The following HAVCR2 variants were observed in gnomAD, a reference collection of about 807,000 sequenced individuals.
The protein encoded by HAVCR2 is T cell immunoglobulin mucin 3.
HAVCR2 carries 13 observed loss-of-function variants against 24.7 expected under a neutral mutation model. The observed-to-expected ratio is 0.53, with a 90% CI of 0.34 to 0.84. The LOEUF (loss-of-function observed/expected upper bound fraction) is 0.84, where lower values mean the gene tolerates loss of function less well. HAVCR2 is among the 40% of genes least tolerant of loss of function. The pLI, the probability that HAVCR2 is intolerant of heterozygous loss-of-function variation, is 0.01. For missense variants in HAVCR2, 343 were observed against 371.2 expected, an observed-to-expected ratio of 0.92 and a Z score of 0.62; for synonymous variants, 154 against 143.4, an observed-to-expected ratio of 1.07 and a Z score of -0.53.
rs144365926 is a variant in HAVCR2 at position 157,106,709 on chromosome 5, G to A, written c.312C>T (p.Asp104=). The stretch of plus-strand genomic sequence containing the variant: ...GGATCCGGCAGCAGTAGATCCCACT[G>A]TCTGCTAGAGTCACATTCTCTATGG... ...SLTIENVTLA[D]SGIYCCRIQI... Residue 104 remains aspartate (D), a synonymous_variant, in exon 2 of 7, where the codon GAC becomes GAT. Transcript: ENST00000307851. 30 of 1,614,178 alleles carry A rather than the reference G, an allele frequency of 1.9e-5. No homozygotes were observed. In the African/African-American group the frequency reaches 3.2e-4, roughly 17 times the overall value.
chr5:157,090,639 TC>T (rs1756986426), intron 5 of HAVCR2, among the ~76,000 whole-genome samples: 1 of 152,074 alleles, frequency 6.6e-6, no homozygotes, highest in African/African-American at 2.4e-5. Flanking sequence ...TGTCTTGGCC[TC>T]CCGAAGTGTT....
intron 4 of HAVCR2, among the ~76,000 whole-genome samples, chr5:157,096,724 C>T (rs1757099012): frequency 6.6e-6 from 1 of 151,986 alleles, no homozygotes. Flanking sequence ...TTGCAGTGAG[C>T]CAAGGTTGTG....
At chr5:157,095,057 G>A (rs1757074099) in intron 5 of HAVCR2, among the ~76,000 whole-genome samples, 1 of 152,092 alleles carries the variant, frequency 6.6e-6, no homozygotes, top group Non-Finnish European at 1.5e-5. Context: ...AATGGGGATG[G>A]TACTATTCCT....
chr5:157,086,888 TG>T lies in HAVCR2; in HGVS notation c.*213del. The T allele has an allele frequency of 2.0e-6, 1 of 512,768 alleles. No homozygotes were observed. Among genetic ancestry groups the T allele is most frequent in the Admixed American group, 3.9e-5 (1 of 25,332 alleles). The allele number at this position is 512,768 out of a possible 1,614,324, so 31.8% of individuals were successfully genotyped here. A position where few individuals can be genotyped will look rare whatever the true frequency, so the allele number is the denominator to read the frequency against. On this transcript the variant is annotated 3_prime_UTR_variant, in exon 7 of 7. Transcript: ENST00000307851. ...CATCCATGATTAACAGTCTCTGGGT[TG>T]GGTAACTCTGTTGGCTTAAATACAG...
intron 3 of HAVCR2, among the ~76,000 whole-genome samples, chr5:157,100,350 A>T (rs1757150656): frequency 6.6e-6 from 1 of 152,166 alleles, no homozygotes; most frequent in African/African-American, 2.4e-5. Flanking sequence ...ACCAGCCCTT[A>T]CCTCAGTGCT....
chr5:157,086,093 AG>A lies in HAVCR2; in HGVS notation c.*1008del. 6.6e-6 allele frequency: 1 copy of A among 151,344 alleles called. No individual in the cohort carries two copies. The highest frequency in any genetic ancestry group is 6.6e-5 in the Admixed American group (1 of 15,246). The allele number at this position is 151,344 out of a possible 1,614,324, so 9.4% of individuals were successfully genotyped here. A position where few individuals can be genotyped will look rare whatever the true frequency, so the allele number is the denominator to read the frequency against. On this transcript the variant is annotated 3_prime_UTR_variant, in exon 7 of 7. Transcript: ENST00000307851. ...TAGCTTCAGTTTGGTCCACGAATAC[AG>A]AAGTTGGTCAGAGATATTTTCTTTC...
chr5:157,092,909 A>AAAC (rs1757027522), intron 5 of HAVCR2, among the ~76,000 whole-genome samples: 1 of 115,478 alleles, frequency 8.7e-6, no homozygotes, highest in African/African-American at 3.5e-5. Flanking sequence ...AAAAAAAAAA[A>AAAC]AAAAAAAAAC....
chr5:157,090,328 GCTCACGC>G (rs1344069882), intron 5 of HAVCR2, among the ~76,000 whole-genome samples: 1 of 151,758 alleles, frequency 6.6e-6, no homozygotes. Flanking sequence ...GGATGCAGTG[GCTCACGC>G]CTGTAATCCT....
At chr5:157,107,859 G>GCC (rs34663733) in intron 1 of HAVCR2, among the ~76,000 whole-genome samples, 13 of 129,990 alleles carry the variant, frequency 1.0e-4, no homozygotes, top group East Asian at 2.4e-4. Context: ...TTTTTCCTCT[G>GCC]CCCCCCCCCC....
chr5:157,104,381 G>A (rs1757216605), intron 3 of HAVCR2, among the ~76,000 whole-genome samples: 1 of 152,210 alleles, frequency 6.6e-6, no homozygotes, highest in Non-Finnish European at 1.5e-5. Context: ...ACAAAGTAAT[G>A]AGCATTTCAT....
At chr5:157,088,738 G>C (rs1756951231) in intron 6 of HAVCR2, among the ~76,000 whole-genome samples, 2 of 152,140 alleles carry the variant, frequency 1.3e-5, no homozygotes, top group South Asian at 4.1e-4. Flanking sequence ...CTTAACTTTA[G>C]AACTAAAGAA....
intron 5 of HAVCR2, among the ~76,000 whole-genome samples, chr5:157,090,605 A>ACTCCTGGCCTCAAGTGACT (rs1267445638): frequency 6.6e-6 from 1 of 151,866 alleles, no homozygotes; most frequent in African/African-American, 2.4e-5. Flanking sequence ...CTAGTCTCAA[A>ACTCCTGGCCTCAAGTGACT]CTCCTGGCCT....
chr5:157,098,932 G>T, intron 3 of HAVCR2, 31 bp from the exon 4 acceptor site: 1 of 1,466,868 alleles, frequency 6.8e-7, no homozygotes. Flanking sequence ...AGAGAGAGAG[G>T]AAAAATAGCC....
intron 4 of HAVCR2, 68 bp from the exon 5 acceptor site, chr5:157,095,527 T>C: frequency 6.4e-7 from 1 of 1,562,522 alleles, no homozygotes; most frequent in Non-Finnish European, 8.8e-7. Context: ...AGCTTCAAGA[T>C]TTGTGAATTG....
intron 3 of HAVCR2, among the ~76,000 whole-genome samples, chr5:157,101,567 T>C (rs1191294870): frequency 6.6e-6 from 1 of 152,182 alleles, no homozygotes; most frequent in African/African-American, 2.4e-5. Flanking sequence ...ATTTTTCAGA[T>C]GAAGATACTG....
chr5:157,094,380 T>G (rs913050923), intron 5 of HAVCR2, among the ~76,000 whole-genome samples: 2 of 151,040 alleles, frequency 1.3e-5, no homozygotes, highest in African/African-American at 4.9e-5. Context: ...GCTTATTTAT[T>G]TATATTTTAT....
intron 5 of HAVCR2, among the ~76,000 whole-genome samples, chr5:157,091,349 G>T (rs1415974337): frequency 6.6e-6 from 1 of 152,174 alleles, no homozygotes; most frequent in Non-Finnish European, 1.5e-5. Context: ...GGAGGCTGAG[G>T]GGGGAGAATC....
chr5:157,100,575 C>T lies in HAVCR2; in HGVS notation c.479-1674G>A, dbSNP rs143079649. ...AAGTACATTGCCAGCTTTTGGAAAACTAAGCATGCTTACTCATTTTTATGG... is the reference window on the plus strand; with the variant it reads ...AAGTACATTGCCAGCTTTTGGAAAATTAAGCATGCTTACTCATTTTTATGG... On this transcript the variant is annotated intron_variant, in intron 3 of 6. Coordinates refer to ENST00000307851, the MANE Select transcript of HAVCR2 (RefSeq NM_032782.5). 1.5e-3 allele frequency among the ~76,000 whole-genome samples: 236 copies of T among 152,300 alleles called. 1 individual carries two copies. The highest frequency in any genetic ancestry group is 5.4e-3 in the African/African-American group (225 of 41,576).
intron 2 of HAVCR2, chr5:157,106,318 G>A: frequency 3.8e-6 from 1 of 265,190 alleles, no homozygotes; most frequent in South Asian, 6.3e-5. Context: ...TTTTAGTGGA[G>A]ACAAGGTTTT....
Sources: allele counts gnomAD v4.1 joint callset (sites outside exome capture counted in the v4.1 genomes callset), GRCh38; gene constraint gnomAD v4.1.1; transcripts MANE v1.5; gene names NCBI Gene and HGNC (gene_info 2026-07-23, HGNC 2026-07-21).